HHAT: variants seen among roughly 807,000 people sequenced by gnomAD.
The protein encoded by HHAT is protein-cysteine N-palmitoyltransferase HHAT.
In HHAT, 47 loss-of-function variants were observed where a neutral mutation model predicts 70.8. The observed-to-expected ratio is 0.66, with a 90% CI of 0.53 to 0.85. The LOEUF (loss-of-function observed/expected upper bound fraction) is 0.85, where lower values mean the gene tolerates loss of function less well. Among genes scored for constraint, HHAT ranks in the 40% least tolerant of loss-of-function variants. The pLI is 0.00. For synonymous variants in HHAT, 228 were observed against 247.6 expected, an observed-to-expected ratio of 0.92 and a Z score of 0.74; for missense variants, 609 against 604.8, an observed-to-expected ratio of 1.01 and a Z score of -0.07.
At chr1:210,578,449 T>C (rs4282821) in intron 9 of HHAT, among the ~76,000 whole-genome samples, 32,078 of 152,168 alleles carry the variant, frequency 0.21, 3,506 homozygotes, top group Non-Finnish European at 0.24. Flanking sequence ...AGAGCTACTA[T>C]GTGATTCAGT....
At chr1:210,517,806 T>G (rs1243935887) in intron 9 of HHAT, among the ~76,000 whole-genome samples, 3 of 151,772 alleles carry the variant, frequency 2.0e-5, no homozygotes, top group Non-Finnish European at 2.9e-5. Context: ...CATAAATATA[T>G]ACAATTTTTG....
intron 9 of HHAT, among the ~76,000 whole-genome samples, chr1:210,562,470 C>T (rs1167207902): frequency 1.3e-5 from 2 of 151,790 alleles, no homozygotes; most frequent in Admixed American, 1.3e-4. Context: ...GAGAGAGGAG[C>T]GGGGCTCCTT....
intron 2 of HHAT, among the ~76,000 whole-genome samples, chr1:210,358,484 T>C (rs1439301063): frequency 1.3e-5 from 2 of 152,240 alleles, no homozygotes; most frequent in African/African-American, 4.8e-5. Flanking sequence ...AAGGAGCCCC[T>C]AGGCCTCCAG....
intron 3 of HHAT, among the ~76,000 whole-genome samples, chr1:210,385,629 GTGGGGAGCATGTGTAATC>G (rs1256870411): frequency 6.6e-6 from 1 of 152,182 alleles, no homozygotes; most frequent in Admixed American, 6.5e-5. Context: ...GATCTGGGGT[GTGGGGAGCATGTGTAATC>G]TGAGAATGCG....
intron 8 of HHAT, among the ~76,000 whole-genome samples, chr1:210,506,616 T>A (rs2094858737): frequency 6.6e-6 from 1 of 152,204 alleles, no homozygotes; most frequent in South Asian, 2.1e-4. Flanking sequence ...TAAAAGGTGA[T>A]AAGAATGATT....
intron 9 of HHAT, among the ~76,000 whole-genome samples, chr1:210,519,156 C>T (rs757565893): frequency 1.3e-5 from 2 of 152,162 alleles, no homozygotes; most frequent in Non-Finnish European, 2.9e-5. Flanking sequence ...CTTGGCCCCT[C>T]AACTCTGATT....
chr1:210,562,252 G>A (rs906685162), intron 9 of HHAT, among the ~76,000 whole-genome samples: 11 of 152,094 alleles, frequency 7.2e-5, no homozygotes, highest in African/African-American at 2.4e-4. Context: ...AATTAGAGAA[G>A]GTAGTTGGAA....
intron 4 of HHAT, among the ~76,000 whole-genome samples, chr1:210,392,939 T>C (rs879582193): frequency 6.6e-6 from 1 of 152,198 alleles, no homozygotes; most frequent in African/African-American, 2.4e-5. Context: ...GAAATCTAGC[T>C]ATATTAGGAT....
intron 7 of HHAT, among the ~76,000 whole-genome samples, chr1:210,424,751 T>C (rs1441372871): frequency 6.6e-6 from 1 of 152,188 alleles, no homozygotes; most frequent in Admixed American, 6.5e-5. Context: ...AGGCTATCAT[T>C]GATGGGCATT....
At position 210,413,963 on chromosome 1, in the gene HHAT, T is replaced by A. The variant is rs578139506; in HGVS notation, c.685-4191T>A. 1.6e-4 allele frequency among the ~76,000 whole-genome samples: 25 copies of A among 152,328 alleles called. No homozygotes were observed. In the South Asian group the frequency reaches 5.2e-3, roughly 32 times the overall value. ...CACACTACTTGCATATTTTTGGGTA[T>A]TTTGTTACAGCAGCACTCCCACTCT... On this transcript the variant is annotated intron_variant, in intron 6 of 11. Coordinates refer to ENST00000261458, the MANE Select transcript of HHAT (RefSeq NM_018194.6).
chr1:210,566,901 T>G (rs938949245), intron 9 of HHAT, among the ~76,000 whole-genome samples: 1 of 152,166 alleles, frequency 6.6e-6, no homozygotes, highest in African/African-American at 2.4e-5. Context: ...ACTGAGCTGG[T>G]TAACACTTAA....
At chr1:210,600,782 C>T (rs1177139290) in intron 10 of HHAT, among the ~76,000 whole-genome samples, 1 of 152,104 alleles carries the variant, frequency 6.6e-6, no homozygotes, top group Non-Finnish European at 1.5e-5. Flanking sequence ...TGCCAATTCT[C>T]AGTTTGATCT....
intron 7 of HHAT, among the ~76,000 whole-genome samples, chr1:210,424,363 T>G (rs1294278322): frequency 2.0e-5 from 3 of 152,196 alleles, no homozygotes; most frequent in African/African-American, 7.2e-5. Context: ...TTTGTATAAT[T>G]GTACCCTGCA....
chr1:210,550,930 AGCTCT>A (rs2095522425), intron 9 of HHAT, among the ~76,000 whole-genome samples: 1 of 148,832 alleles, frequency 6.7e-6, no homozygotes, highest in Non-Finnish European at 1.5e-5. Flanking sequence ...GGCCTCCCAA[AGCTCT>A]AGGATTACAG....
chr1:210,387,056 AATTC>A (rs1331280968), intron 3 of HHAT, among the ~76,000 whole-genome samples: 2 of 152,288 alleles, frequency 1.3e-5, no homozygotes, highest in East Asian at 3.9e-4. Flanking sequence ...GGATAGCCTC[AATTC>A]ATTACTTGTA....
chr1:210,448,906 C>G lies in HHAT; in HGVS notation c.857-15599C>G, dbSNP rs1223054511. Among the ~76,000 whole-genome samples, 6 of 152,240 alleles carry G rather than the reference C, an allele frequency of 3.9e-5. No homozygotes were observed. The East Asian group carries it at 1.2e-3, about 29-fold the overall frequency. On this transcript the variant is annotated intron_variant, in intron 7 of 11. Coordinates refer to ENST00000261458, the MANE Select transcript of HHAT (RefSeq NM_018194.6). ...TCAGTGCTGTCCTGAGACATTTATT[C>G]CTGAACCGCTTCTGTCCCTCACCTC...
chr1:210,566,470 C>G (rs1027920204), intron 9 of HHAT, among the ~76,000 whole-genome samples: 6 of 152,024 alleles, frequency 3.9e-5, no homozygotes, highest in Admixed American at 1.3e-4. Flanking sequence ...CCAAAAGTTG[C>G]CTTCGCAACC....
At chr1:210,342,471 A>G (rs1249550847) in intron 1 of HHAT, among the ~76,000 whole-genome samples, 3 of 152,176 alleles carry the variant, frequency 2.0e-5, no homozygotes, top group Non-Finnish European at 4.4e-5. Flanking sequence ...TCACTATTAC[A>G]TATCAATAGT....
At chr1:210,438,860 A>G (rs1311374985) in intron 7 of HHAT, among the ~76,000 whole-genome samples, 5 of 151,964 alleles carry the variant, frequency 3.3e-5, no homozygotes, top group African/African-American at 2.4e-5. Context: ...CAGCAGCCCT[A>G]TGAGCAGATA....
Sources: allele counts gnomAD v4.1 joint callset (sites outside exome capture counted in the v4.1 genomes callset), GRCh38; gene constraint gnomAD v4.1.1; transcripts MANE v1.5; gene names NCBI Gene and HGNC (gene_info 2026-07-23, HGNC 2026-07-21).